Variants in TMEM87B observed in about 807,000 individuals in gnomAD.
TMEM87B encodes transmembrane protein 87B.
Under a neutral mutation model 80.3 loss-of-function variants are expected in TMEM87B, and 83 were observed. That is an observed-to-expected ratio of 1.03 (90% CI 0.87 to 1.24). TMEM87B has a LOEUF of 1.24. TMEM87B is among the 50% of genes most tolerant of loss of function. The pLI, the probability that TMEM87B is intolerant of heterozygous loss-of-function variation, is 0.00. For synonymous variants in TMEM87B, 219 were observed against 230.5 expected, an observed-to-expected ratio of 0.95 and a Z score of 0.45; for missense variants, 625 against 674.4, an observed-to-expected ratio of 0.93 and a Z score of 0.81.
At chr2:112,075,571 G>A (rs999875828) in intron 5 of TMEM87B, among the ~76,000 whole-genome samples, 5 of 152,104 alleles carry the variant, frequency 3.3e-5, no homozygotes, top group Non-Finnish European at 5.9e-5. Context: ...TGGGCTGTGC[G>A]TGTCATTAAG....
intron 4 of TMEM87B, among the ~76,000 whole-genome samples, chr2:112,068,572 C>T (rs569812876): frequency 1.3e-5 from 2 of 151,688 alleles, no homozygotes; most frequent in African/African-American, 2.4e-5. Flanking sequence ...AGCGTGGTGG[C>T]GGGCACCTGT....
chr2:112,081,603 G>A, intron 8 of TMEM87B, 85 bp downstream of exon 8: 1 of 1,250,000 alleles, frequency 8.0e-7, no homozygotes, highest in Non-Finnish European at 1.1e-6. Flanking sequence ...GCCCCCTTCT[G>A]AACAGTGGTT....
chr2:112,116,850 T>C lies in TMEM87B; in HGVS notation c.*707T>C, dbSNP rs1461660535. On this transcript the variant is annotated 3_prime_UTR_variant, in exon 19 of 19. Transcript: ENST00000283206. ...GTCACTACCAAAGAATTACCCTCAT[T>C]GTCCCTCACTCAGGCCATGTGTACA... 1 of 152,532 alleles carries C rather than the reference T, an allele frequency of 6.6e-6. No homozygotes were observed. The highest frequency in any genetic ancestry group is 6.6e-5 in the Admixed American group (1 of 15,264). 9.4% of individuals were successfully genotyped at this position (152,532 alleles called of 1,614,324 possible). A position where few individuals can be genotyped will look rare whatever the true frequency, so the allele number is the denominator to read the frequency against.
In TMEM87B at chr2:112,100,708, T is replaced by A; in HGVS notation, c.1450+13T>A. ...TCTGAAAATTTAAGTGAGTAATATG[T>A]TTTCTTTTTAAATGACCATTGTACA... On this transcript the variant is annotated intron_variant, in intron 15 of 18. Transcript: ENST00000283206. 6.5e-7 allele frequency: 1 copy of A among 1,548,578 alleles called. No homozygotes were observed. Among genetic ancestry groups the A allele is most frequent in the Non-Finnish European group, 8.9e-7 (1 of 1,122,724 alleles).
intron 10 of TMEM87B, among the ~76,000 whole-genome samples, chr2:112,090,501 A>T: frequency 6.6e-6 from 1 of 152,032 alleles, no homozygotes; most frequent in Non-Finnish European, 1.5e-5. Context: ...ATCATGGCTC[A>T]CTGCAGCCTC....
At chr2:112,063,551 G>C (rs925657526) in intron 2 of TMEM87B, among the ~76,000 whole-genome samples, 1 of 152,168 alleles carries the variant, frequency 6.6e-6, no homozygotes, top group African/African-American at 2.4e-5. Context: ...CTCACCCTGG[G>C]CATTTACATG....
intron 18 of TMEM87B, 93 bp from the exon 19 acceptor site, chr2:112,115,991 C>A: frequency 2.2e-6 from 2 of 897,960 alleles, no homozygotes. Flanking sequence ...TTTAGTTTCC[C>A]TAAATGTGGC....
At chr2:112,075,139 C>T (rs886930512) in intron 5 of TMEM87B, among the ~76,000 whole-genome samples, 177 bp downstream of exon 5, 4 of 152,218 alleles carry the variant, frequency 2.6e-5, no homozygotes, top group African/African-American at 7.2e-5. Context: ...GTGGCTCCTG[C>T]TTGCAATCCC....
At chr2:112,105,910 A>G in intron 15 of TMEM87B, 92 bp from the exon 16 acceptor site, 1 of 870,080 alleles carries the variant, frequency 1.1e-6, no homozygotes, top group Non-Finnish European at 1.6e-6. Flanking sequence ...ATTTCTAAAA[A>G]GATATAGTAT....
intron 1 of TMEM87B, among the ~76,000 whole-genome samples, chr2:112,057,927 A>T (rs1330393288): frequency 1.3e-5 from 2 of 150,844 alleles, no homozygotes; most frequent in Admixed American, 6.6e-5. Flanking sequence ...TCCCGGGTTC[A>T]GGGGATTCTC....
intron 2 of TMEM87B, among the ~76,000 whole-genome samples, chr2:112,062,219 G>A (rs1236458949): frequency 6.6e-6 from 1 of 152,214 alleles, no homozygotes; most frequent in African/African-American, 2.4e-5. Flanking sequence ...TTAAGCTAAG[G>A]ACTGGTCCCT....
chr2:112,106,267 A>G (rs555450610), intron 16 of TMEM87B, among the ~76,000 whole-genome samples, 192 bp downstream of exon 16: 10 of 152,174 alleles, frequency 6.6e-5, no homozygotes, highest in Non-Finnish European at 1.5e-4. Context: ...AAATACCTTC[A>G]TTGTAGATCT....
Position 112,055,395 on chromosome 2 carries a change from A to T in TMEM87B, c.-197A>T. The T allele has an allele frequency of 3.4e-6, 2 of 587,076 alleles. No individual in the cohort carries two copies. The highest frequency in any genetic ancestry group is 2.8e-6 in the Non-Finnish European group (1 of 356,642). 36.4% of individuals were successfully genotyped at this position (587,076 alleles called of 1,614,324 possible). On this transcript the variant is annotated 5_prime_UTR_variant, in exon 1 of 19. In the 5' UTR this introduces an upstream ATG that the reference lacks. Coordinates refer to ENST00000283206, the MANE Select transcript of TMEM87B (RefSeq NM_032824.3). ...CGCTCGGGCCCGGCTCAGAGCCCTA[A>T]GCCCTGCCTCCCGGTCCTGGCCGGG...
intron 3 of TMEM87B, among the ~76,000 whole-genome samples, chr2:112,065,470 C>A (rs957552619): frequency 1.3e-5 from 2 of 151,910 alleles, no homozygotes; most frequent in Non-Finnish European, 2.9e-5. Context: ...ACAAGTGAGA[C>A]CCTGTCTCTA....
intron 3 of TMEM87B, 147 bp downstream of exon 3, chr2:112,064,400 C>T: frequency 3.2e-6 from 2 of 630,888 alleles, no homozygotes; most frequent in Non-Finnish European, 5.4e-6. Flanking sequence ...TGGCAATAAA[C>T]CAAGTTACAT....
intron 4 of TMEM87B, among the ~76,000 whole-genome samples, chr2:112,070,474 C>G (rs1452897991): frequency 6.6e-6 from 1 of 152,048 alleles, no homozygotes; most frequent in Non-Finnish European, 1.5e-5. Context: ...TATTAAAGAC[C>G]AAATTATTAT....
intron 8 of TMEM87B, among the ~76,000 whole-genome samples, chr2:112,082,909 TA>T (rs1431158001): frequency 6.6e-6 from 1 of 152,172 alleles, no homozygotes; most frequent in East Asian, 1.9e-4. Context: ...TCAGGGAATC[TA>T]AGCTGTCTGA....
chr2:112,096,644 T>G (rs1202244008), intron 11 of TMEM87B, among the ~76,000 whole-genome samples: 1 of 152,196 alleles, frequency 6.6e-6, no homozygotes, highest in Non-Finnish European at 1.5e-5. Context: ...ACTGGAAAGA[T>G]CAAAATAAGA....
At position 112,081,390 on chromosome 2, in the gene TMEM87B, G is replaced by A; in HGVS notation, c.710G>A (p.Trp237Ter). 1.2e-6 allele frequency: 2 copies of A among 1,613,428 alleles called. No individual in the cohort carries two copies. Among genetic ancestry groups the A allele is most frequent in the Non-Finnish European group, 1.7e-6 (2 of 1,179,644 alleles). The change falls in exon 8 of 19, where the codon TGG (tryptophan) becomes TAG (stop). Residue 237 changes from tryptophan to a stop codon, truncating the protein, a stop_gained. Transcript: ENST00000283206. LOFTEE classifies it high-confidence loss of function. Reference sequence around the variant, plus strand: ...TTATATGGCATACTCTGGCTGACGTGGTCTGCCTGTTATTGGAAAGATATA... The same window carrying A: ...TTATATGGCATACTCTGGCTGACGTAGTCTGCCTGTTATTGGAAAGATATA... ...YILYGILWLTWSACYWKDILR... is the reference protein window; with the variant it reads ...YILYGILWLT
Sources: allele counts gnomAD v4.1 joint callset (sites outside exome capture counted in the v4.1 genomes callset), GRCh38; gene constraint gnomAD v4.1.1; transcripts MANE v1.5; gene names NCBI Gene and HGNC (gene_info 2026-07-23, HGNC 2026-07-21).